Variants in ANK2 observed in about 807,000 individuals in gnomAD.
ANK2 encodes the protein ankyrin-2.
A neutral mutation model predicts 360.5 loss-of-function variants in ANK2; 83 were observed. The observed-to-expected ratio is 0.23, with a 90% CI of 0.19 to 0.28. The LOEUF (loss-of-function observed/expected upper bound fraction) is 0.28. Ranked by LOEUF, ANK2 falls within the 10% of genes least tolerant of loss-of-function variation. The pLI is 1.00. For synonymous variants in ANK2, 1,740 were observed against 1,759.5 expected (o/e 0.99, Z 0.28); for missense variants, 4,201 against 4,795.7 (o/e 0.88, Z 3.66).
At chr4:113,125,983 T>G (rs1230018209) in intron 1 of ANK2, among the ~76,000 whole-genome samples, 1 of 152,218 alleles carries the variant, frequency 6.6e-6, no homozygotes, top group African/African-American at 2.4e-5. Context: ...TGAAATTTTA[T>G]GGAAGTTATT....
chr4:112,844,888 A>G (rs1369264711), intron 1 of ANK2, among the ~76,000 whole-genome samples: 2 of 152,202 alleles, frequency 1.3e-5, no homozygotes, highest in African/African-American at 4.8e-5. Context: ...TCAATGAGAA[A>G]ATCCTCTCAT....
chr4:113,272,622 C>CT lies in ANK2; in HGVS notation c.1486-1820dup, dbSNP rs1015718170. On this transcript the variant is annotated intron_variant, in intron 14 of 45. Coordinates refer to ENST00000357077, the MANE Select transcript of ANK2 (RefSeq NM_001148.6). ...GTAGGCAAGACATCCTATTTTTTAA[C>CT]TTTTTTTTTTAAAGAAGAACATTAA... Among the ~76,000 whole-genome samples the CT allele has an allele frequency of 5.2e-3, 778 of 149,528 alleles. 25 individuals are homozygous for CT. The highest frequency in any genetic ancestry group is 4.3e-3 in the East Asian group (22 of 5,108).
chr4:113,357,030 G>C lies in ANK2; in HGVS notation c.8412G>C (p.Gln2804His), dbSNP rs1271608261. ...QSPTGDDVDE[Q>H]PVIYKESLAL... ...CGACTGGTGATGATGTTGATGAACAGCCAGTCATCTATAAAGAATCATTAG... is the reference window on the plus strand; with the variant it reads ...CGACTGGTGATGATGTTGATGAACACCCAGTCATCTATAAAGAATCATTAG... Residue 2804 changes from glutamine to histidine, a missense_variant, in exon 38 of 46, where the codon CAG becomes CAC. By Grantham distance (24) the Gln-to-His change is conservative. Around this residue, in one of 4 missense-constraint regions of ANK2, gnomAD observed 2,642 missense variants for 2,714.5 expected, o/e 0.97. Coordinates refer to ENST00000357077, the MANE Select transcript of ANK2 (RefSeq NM_001148.6). 6.2e-7 allele frequency: 1 copy of C among 1,614,032 alleles called. No homozygotes were observed. The highest frequency in any genetic ancestry group is 1.1e-5 in the South Asian group (1 of 91,084).
chr4:113,146,623 A>G (rs936737611), intron 1 of ANK2, among the ~76,000 whole-genome samples: 27 of 151,878 alleles, frequency 1.8e-4, no homozygotes, highest in Admixed American at 7.2e-4. Flanking sequence ...TCAGATTTTA[A>G]TAATTCATAG....
intron 2 of ANK2, among the ~76,000 whole-genome samples, chr4:113,176,294 A>C (rs2153228314): frequency 6.6e-6 from 1 of 152,354 alleles, no homozygotes; most frequent in Admixed American, 6.5e-5. Context: ...ATTATGAAAC[A>C]GTAATGGTTT....
intron 4 of ANK2, among the ~76,000 whole-genome samples, chr4:113,227,175 T>A (rs1236254839): frequency 6.6e-6 from 1 of 152,198 alleles, no homozygotes; most frequent in African/African-American, 2.4e-5. Flanking sequence ...TGTTGTTAAA[T>A]ACCAGTAAGT....
At chr4:113,120,520 A>G (rs1226525465) in intron 1 of ANK2, among the ~76,000 whole-genome samples, 1 of 152,194 alleles carries the variant, frequency 6.6e-6, no homozygotes, top group African/African-American at 2.4e-5. Context: ...CGTTTTTTAA[A>G]ATTTGAAAAA....
chr4:112,814,425 GTTTT>G (rs2055497694), upstream of ANK2, among the ~76,000 whole-genome samples: 8 of 74,320 alleles, frequency 1.1e-4, no homozygotes, highest in Admixed American at 1.3e-3. Flanking sequence ...ACTGGAGAGC[GTTTT>G]TTTGTTTTTT....
rs192030253 is a variant in ANK2, at chr4:113,172,498, A to C, written c.85-1918A>C. Reference sequence around the variant, plus strand: ...TCTAAATCTCTTTCCTCATCTATTAAATGGGCATAAGAATAGTTTTTTTCT... The same window carrying C: ...TCTAAATCTCTTTCCTCATCTATTACATGGGCATAAGAATAGTTTTTTTCT... On this transcript the variant is annotated intron_variant, in intron 1 of 45. Transcript: ENST00000357077. Among the ~76,000 whole-genome samples the C allele has an allele frequency of 2.4e-3, 370 of 152,278 alleles. 2 individuals carry two copies. The highest frequency in any genetic ancestry group is 2.8e-3 in the Non-Finnish European group (190 of 68,022).
At chr4:113,119,943 T>G (rs764173868) in intron 1 of ANK2, among the ~76,000 whole-genome samples, 9 of 152,178 alleles carry the variant, frequency 5.9e-5, no homozygotes, top group Non-Finnish European at 1.5e-5. Flanking sequence ...AAATTAATTT[T>G]AATTATTTGT....
the ANK2 span, among the ~76,000 whole-genome samples, chr4:112,725,240 C>T: frequency 7.0e-6 from 1 of 143,676 alleles, no homozygotes; most frequent in Non-Finnish European, 1.5e-5. Flanking sequence ...CGAGATTGCG[C>T]CACTGCACTC....
At chr4:113,079,897 ATT>A (rs138918846) in intron 1 of ANK2, among the ~76,000 whole-genome samples, 54,333 of 144,300 alleles carry the variant, frequency 0.38, 11,241 homozygotes, top group Non-Finnish European at 0.47. Flanking sequence ...CACCCTGAGA[ATT>A]TTTTTTTTTT....
intron 20 of ANK2, among the ~76,000 whole-genome samples, chr4:113,289,220 T>TC (rs1013924567): frequency 2.5e-4 from 37 of 150,486 alleles, no homozygotes; most frequent in South Asian, 2.1e-4. Context: ...TTTTTCTTTT[T>TC]TTTTTTTTTT....
At chr4:112,902,373 ATTG>A (rs2083723706) in intron 1 of ANK2, among the ~76,000 whole-genome samples, 1 of 152,202 alleles carries the variant, frequency 6.6e-6, no homozygotes, top group Non-Finnish European at 1.5e-5. Context: ...TATGTTCCAC[ATTG>A]TTGTGTGAGA....
chr4:112,769,667 C>T, the ANK2 span, among the ~76,000 whole-genome samples: 3 of 152,130 alleles, frequency 2.0e-5, no homozygotes, highest in South Asian at 6.2e-4. Flanking sequence ...CCAGGTTAAA[C>T]ATCGTTTCTG....
intron 26 of ANK2, among the ~76,000 whole-genome samples, chr4:113,319,662 A>G (rs1031222344): frequency 6.6e-6 from 1 of 152,130 alleles, no homozygotes; most frequent in Non-Finnish European, 1.5e-5. Flanking sequence ...CATAAGTTAT[A>G]TAGTTATTGA....
chr4:113,313,412 G>C (rs956633644), intron 24 of ANK2, among the ~76,000 whole-genome samples: 1 of 152,102 alleles, frequency 6.6e-6, no homozygotes, highest in Admixed American at 6.6e-5. Context: ...AGGATGGATG[G>C]CTTGAATGCT....
the ANK2 span, among the ~76,000 whole-genome samples, chr4:112,740,650 C>T: frequency 2.6e-5 from 4 of 151,478 alleles, no homozygotes; most frequent in Admixed American, 6.6e-5. Flanking sequence ...CCCAGTGAGC[C>T]GAGATCTTGG....
chr4:112,941,702 T>A (rs1337310184), intron 2 of ANK2, among the ~76,000 whole-genome samples: 3 of 147,050 alleles, frequency 2.0e-5, no homozygotes, highest in Non-Finnish European at 4.5e-5. Context: ...TATAAAAGGA[T>A]ATATAAAGAT....
Sources: gnomAD v4.1 joint callset for allele counts (sites outside exome capture counted in the v4.1 genomes callset) on GRCh38, gnomAD v4.1.1 for gene constraint, gnomAD v4.1.1 regional missense constraint, MANE v1.5 for transcripts, NCBI Gene and HGNC (gene_info 2026-07-23, HGNC 2026-07-21) for gene names.